ZNF583: variants seen among roughly 807,000 people sequenced by gnomAD.
The protein encoded by ZNF583 is zinc finger protein 583, also known as zinc finger protein L3-5.
In ZNF583, 30 loss-of-function variants were observed where a neutral mutation model predicts 55.3. The observed-to-expected ratio is 0.54, with a 90% CI of 0.41 to 0.74. The LOEUF (loss-of-function observed/expected upper bound fraction) is 0.74. Among genes scored for constraint, ZNF583 ranks in the 30% least tolerant of loss-of-function variants. ZNF583 has a pLI of 0.00. For synonymous variants in ZNF583, 208 were observed against 220.0 expected (o/e 0.95, Z 0.48); for missense variants, 504 against 664.7 (o/e 0.76, Z 2.66).
In ZNF583 at chr19:56,423,444, T is replaced by C; in HGVS notation, c.786T>C (p.His262=). ...SANLAQHKRI[H]TGEKPYECKE... ...ACTTGGCGCAACATAAGAGAATACA[T>C]ACTGGAGAGAAACCCTATGAATGTA... Residue 262 remains histidine, a synonymous_variant, in exon 5 of 5, where the codon CAT becomes CAC. Coordinates refer to ENST00000333201, the MANE Select transcript of ZNF583 (RefSeq NM_152478.3). 1 of 1,614,004 alleles carries C rather than the reference T, an allele frequency of 6.2e-7. No individual in the cohort carries two copies. The highest frequency in any genetic ancestry group is 8.5e-7 in the Non-Finnish European group (1 of 1,179,954).
Position 56,414,412 on chromosome 19 carries a change from G to C in ZNF583, c.204G>C (p.Lys68Asn). The C allele has an allele frequency of 6.2e-7, 1 of 1,614,196 alleles. No individual in the cohort carries two copies. The highest frequency in any genetic ancestry group is 8.5e-7 in the Non-Finnish European group (1 of 1,180,032). ...LEQGKEPWMV[K>N]KEGTRGPCPD... is the part of the protein sequence containing the mutation. ...AAGGAAAAGAGCCCTGGATGGTGAAGAAGGAGGGAACAAGAGGCCCATGCC... is the reference window on the plus strand; with the variant it reads ...AAGGAAAAGAGCCCTGGATGGTGAACAAGGAGGGAACAAGAGGCCCATGCC... The change falls in exon 4 of 5, where the codon AAG becomes AAC. Residue 68 changes from lysine to asparagine, a missense_variant. This residue lies in a region of ZNF583 where 204 missense variants were observed against 235.2 expected (regional missense o/e 0.87). Transcript: ENST00000333201.
Position 56,410,656 on chromosome 19 carries a change from C to T in ZNF583, c.10-3303C>T, listed in dbSNP as rs902821634. On this transcript the variant is annotated intron_variant, in intron 2 of 4. Transcript: ENST00000333201. ...GGTGGAGGTTGCTGTGAGCCAAGAT[C>T]GCACCACTGCTCTCCAGCCTGGGCG... Among the ~76,000 whole-genome samples, 6 of 152,058 alleles carry T rather than the reference C, an allele frequency of 3.9e-5. No individual in the cohort carries two copies. The East Asian group carries it at 7.7e-4, about 20-fold the overall frequency.
At chr19:56,408,766 C>A (rs773508637) in intron 2 of ZNF583, among the ~76,000 whole-genome samples, 5 of 152,122 alleles carry the variant, frequency 3.3e-5, no homozygotes, top group Non-Finnish European at 4.4e-5. Flanking sequence ...TATTTCACTC[C>A]CATGCCCAGA....
chr19:56,406,064 G>T (rs1192905769), intron 1 of ZNF583, among the ~76,000 whole-genome samples: 2 of 152,170 alleles, frequency 1.3e-5, no homozygotes, highest in East Asian at 3.8e-4. Context: ...AGCATAGCCT[G>T]CTCCTCCCTC....
chr19:56,422,237 C>G (rs2042426779), intron 4 of ZNF583, among the ~76,000 whole-genome samples: 1 of 152,098 alleles, frequency 6.6e-6, no homozygotes, highest in Non-Finnish European at 1.5e-5. Flanking sequence ...TGATTTGGAA[C>G]TGGACAGGGG....
intron 2 of ZNF583, among the ~76,000 whole-genome samples, chr19:56,407,517 AGGG>A (rs763151385): frequency 2.0e-5 from 3 of 152,224 alleles, no homozygotes; most frequent in Non-Finnish European, 4.4e-5. Flanking sequence ...GCAAGACAGG[AGGG>A]TTATCAGGTG....
At position 56,423,894 on chromosome 19, in the gene ZNF583, A is replaced by G; in HGVS notation, c.1236A>G (p.Val412=). The change falls in exon 5 of 5, where the codon GTA becomes GTG. Residue 412 remains valine, a synonymous_variant. Coordinates refer to ENST00000333201, the MANE Select transcript of ZNF583 (RefSeq NM_152478.3). ...GAGAAAAACCTTATGAATGTAAAGT[A>G]TGTAGGAAAGCCTTCAGCCAAATTG... The part of the protein sequence containing the change: ...HTGEKPYECK[V]CRKAFSQIAY... 1 of 1,613,850 alleles carries G rather than the reference A, an allele frequency of 6.2e-7. No individual in the cohort carries two copies. The highest frequency in any genetic ancestry group is 8.5e-7 in the Non-Finnish European group (1 of 1,179,938).
intron 1 of ZNF583, among the ~76,000 whole-genome samples, chr19:56,405,894 GC>G (rs1373946148): frequency 1.3e-5 from 2 of 152,218 alleles, no homozygotes; most frequent in East Asian, 3.8e-4. Context: ...TGTATAGGTA[GC>G]ATGTGGTGGT....
intron 1 of ZNF583, among the ~76,000 whole-genome samples, chr19:56,406,781 C>A (rs2042159451): frequency 6.6e-6 from 1 of 152,110 alleles, no homozygotes; most frequent in East Asian, 1.9e-4. Flanking sequence ...CCAGCCTCGG[C>A]CTCCCAAAGT....
At chr19:56,419,747 A>T (rs1308698142) in intron 4 of ZNF583, among the ~76,000 whole-genome samples, 1 of 152,164 alleles carries the variant, frequency 6.6e-6, no homozygotes, top group South Asian at 2.1e-4. Flanking sequence ...CAGCTTTGGT[A>T]GGCTGTGTCT....
At position 56,422,895 on chromosome 19, in the gene ZNF583, G is replaced by C. The variant is rs2042437923; in HGVS notation, c.237G>C (p.Trp79Cys). The change falls in exon 5 of 5, where the codon TGG becomes TGC. Residue 79 changes from tryptophan (W) to cysteine (C), a missense_variant. Physicochemically the swap from Trp to Cys is radical, Grantham distance 215. Around this residue, in one of 3 missense-constraint regions of ZNF583, gnomAD observed 204 missense variants for 235.2 expected, o/e 0.87. Transcript: ENST00000333201. Reference protein sequence around the residue: ...KEGTRGPCPDWEYVFKNSEFS... With the variant: ...KEGTRGPCPDCEYVFKNSEFS... ...TTGTTTCTTGATATCTTTTAGATTG[G>C]GAGTATGTATTTAAAAACAGTGAAT... 6.3e-7 allele frequency: 1 copy of C among 1,590,258 alleles called. No individual in the cohort carries two copies. The highest frequency in any genetic ancestry group is 8.5e-7 in the Non-Finnish European group (1 of 1,170,052).
chr19:56,421,145 C>G (rs1016601418), intron 4 of ZNF583, among the ~76,000 whole-genome samples: 1 of 152,136 alleles, frequency 6.6e-6, no homozygotes, highest in South Asian at 2.1e-4. Context: ...CCCTCAACCT[C>G]CACTAACTCA....
At chr19:56,410,979 A>C (rs1189994137) in intron 2 of ZNF583, among the ~76,000 whole-genome samples, 1 of 151,998 alleles carries the variant, frequency 6.6e-6, no homozygotes, top group Admixed American at 6.6e-5. Context: ...TTTAACTTAA[A>C]AAGGGAAAAA....
rs766884216 is a variant in ZNF583, at chr19:56,414,342, C to T, written c.137-3C>T. On this transcript the variant is annotated splice_region_variant and splice_polypyrimidine_tract_variant and intron_variant, in intron 3 of 4. Coordinates refer to ENST00000333201, the MANE Select transcript of ZNF583 (RefSeq NM_152478.3). ...TAATTCCCCTTTTGTTTTTTGTAAGCAGGAGTTTCTGTTTCTAAGCCAGAT... is the reference window on the plus strand; with the variant it reads ...TAATTCCCCTTTTGTTTTTTGTAAGTAGGAGTTTCTGTTTCTAAGCCAGAT... 6 of 1,613,782 alleles carry T rather than the reference C, an allele frequency of 3.7e-6. No homozygotes were observed. The Admixed American group carries it at 1.0e-4, about 27-fold the overall frequency.
chr19:56,408,388 A>G (rs914015768), intron 2 of ZNF583, among the ~76,000 whole-genome samples: 1 of 152,246 alleles, frequency 6.6e-6, no homozygotes. Flanking sequence ...CACTAGCCAG[A>G]TGTGGCTACA....
At chr19:56,417,517 G>C (rs2042347004) in intron 4 of ZNF583, among the ~76,000 whole-genome samples, 1 of 152,062 alleles carries the variant, frequency 6.6e-6, no homozygotes, top group Non-Finnish European at 1.5e-5. Context: ...TTATTGGATT[G>C]TTTATCTTAT....
At position 56,423,143 on chromosome 19, in the gene ZNF583, G is replaced by C. The variant is rs202014218; in HGVS notation, c.485G>C (p.Trp162Ser). ...CAAAATAAAGAATATAACAAATCTT[G>C]GCAAACATTCCACCAGGATACAATC... ...EVQNKEYNKS[W>S]QTFHQDTIFD... The change falls in exon 5 of 5, where the codon TGG becomes TCG. Residue 162 changes from tryptophan to serine, a missense_variant. This residue lies in a region of ZNF583 where 204 missense variants were observed against 235.2 expected (regional missense o/e 0.87). Transcript: ENST00000333201. 17 of 1,612,000 alleles carry C rather than the reference G, an allele frequency of 1.1e-5. No individual in the cohort carries two copies. The African/African-American group carries it at 1.7e-4, about 16-fold the overall frequency.
At chr19:56,418,378 T>G (rs1005712103) in intron 4 of ZNF583, among the ~76,000 whole-genome samples, 1 of 152,064 alleles carries the variant, frequency 6.6e-6, no homozygotes, top group Non-Finnish European at 1.5e-5. Flanking sequence ...ACTTGGAGAC[T>G]AGCCTGGACA....
chr19:56,405,282 T>C (rs1316216318), intron 1 of ZNF583, among the ~76,000 whole-genome samples: 2 of 152,162 alleles, frequency 1.3e-5, no homozygotes, highest in Non-Finnish European at 2.9e-5. Context: ...GACTTAGCAC[T>C]GTATGTCATC....
Sources: allele counts gnomAD v4.1 joint callset (sites outside exome capture counted in the v4.1 genomes callset), GRCh38; gene constraint gnomAD v4.1.1; regional missense constraint gnomAD v4.1.1; transcripts MANE v1.5; gene names NCBI Gene and HGNC (gene_info 2026-07-23, HGNC 2026-07-21).